Variants in CALD1 observed in about 807,000 individuals in gnomAD.
The protein encoded by CALD1 is caldesmon.
CALD1 carries 33 observed loss-of-function variants against 99.9 expected under a neutral mutation model. That is an observed-to-expected ratio of 0.33 (90% CI 0.25 to 0.44). The LOEUF (loss-of-function observed/expected upper bound fraction) is 0.44. Ranked by LOEUF, CALD1 falls within the 20% of genes least tolerant of loss-of-function variation. The probability of loss-of-function intolerance (pLI) is 1.00; values close to 1 mark genes in which losing one functional copy is unlikely to be tolerated. For synonymous variants in CALD1, 310 were observed against 325.0 expected (o/e 0.95, Z 0.50); for missense variants, 861 against 962.1 (o/e 0.89, Z 1.39).
chr7:134,934,429 C>T (rs1009886445), intron 5 of CALD1, among the ~76,000 whole-genome samples: 1 of 152,162 alleles, frequency 6.6e-6, no homozygotes, highest in East Asian at 1.9e-4. Flanking sequence ...TGCATCTAAA[C>T]TCGTTCTTTT....
At chr7:134,772,631 G>A (rs1333567688) in intron 1 of CALD1, among the ~76,000 whole-genome samples, 2 of 151,942 alleles carry the variant, frequency 1.3e-5, no homozygotes, top group South Asian at 2.1e-4. Context: ...TTACGATTGT[G>A]GTAAATTTTT....
At chr7:134,930,213 TAATAGGTTCAA>T (rs1393950252) in intron 4 of CALD1, among the ~76,000 whole-genome samples, 2 of 152,170 alleles carry the variant, frequency 1.3e-5, no homozygotes, top group African/African-American at 4.8e-5. Context: ...TGAGAATGCC[TAATAGGTTCAA>T]CTTCTTCAAA....
chr7:134,877,800 A>G (rs1801418458), intron 3 of CALD1, among the ~76,000 whole-genome samples: 1 of 152,192 alleles, frequency 6.6e-6, no homozygotes, highest in African/African-American at 2.4e-5. Context: ...ATCAACCAGA[A>G]GCTTCTCAAT....
intron 3 of CALD1, among the ~76,000 whole-genome samples, chr7:134,923,637 C>A (rs1345453971): frequency 1.3e-5 from 2 of 152,110 alleles, no homozygotes. Flanking sequence ...TTAAATCTGG[C>A]GTGTGGAAAA....
chr7:134,844,666 C>A (rs1407070033), intron 2 of CALD1, among the ~76,000 whole-genome samples: 2 of 152,182 alleles, frequency 1.3e-5, no homozygotes, highest in African/African-American at 4.8e-5. Context: ...GACTGGGTGG[C>A]TTAAACAACA....
Position 134,968,396 on chromosome 7 carries a change from A to G in CALD1, c.*51A>G. Reference sequence around the variant, plus strand: ...CAAGACGCAGGACGAGCTCAGTTGTAGAGGGCTAATTCGCTCTGTTTTGTA... The same window carrying G: ...CAAGACGCAGGACGAGCTCAGTTGTGGAGGGCTAATTCGCTCTGTTTTGTA... On this transcript the variant is annotated 3_prime_UTR_variant, in exon 15 of 15. Coordinates refer to ENST00000361675, the MANE Select transcript of CALD1 (RefSeq NM_033138.4). The G allele has an allele frequency of 7.7e-6, 12 of 1,563,326 alleles. No homozygotes were observed. Among genetic ancestry groups the G allele is most frequent in the Non-Finnish European group, 1.1e-5 (12 of 1,133,828 alleles).
Position 134,947,496 on chromosome 7 carries a change from C to T in CALD1, c.1533-12C>T. On this transcript the variant is annotated splice_polypyrimidine_tract_variant and intron_variant, in intron 7 of 14. Transcript: ENST00000361675. ...AGCATGTAAACCCCTTTCCATTGCCCCCCAACCACAGCCGCCCTGGAGGGA... is the reference window on the plus strand; with the variant it reads ...AGCATGTAAACCCCTTTCCATTGCCTCCCAACCACAGCCGCCCTGGAGGGA... The T allele has an allele frequency of 6.4e-7, 1 of 1,565,470 alleles. No homozygotes were observed. The highest frequency in any genetic ancestry group is 2.0e-4 in the Middle Eastern group (1 of 4,972).
chr7:134,870,632 G>A (rs192494774), intron 3 of CALD1, among the ~76,000 whole-genome samples: 20 of 152,080 alleles, frequency 1.3e-4, no homozygotes, highest in African/African-American at 4.6e-4. Context: ...ATTTCTGTCT[G>A]TATTACTTCT....
intron 1 of CALD1, among the ~76,000 whole-genome samples, chr7:134,830,062 T>C (rs780792947): frequency 9.2e-5 from 14 of 151,756 alleles, no homozygotes; most frequent in Non-Finnish European, 1.8e-4. Flanking sequence ...TTCAATTCTG[T>C]CCTGTTTGCT....
At chr7:134,875,849 T>C (rs545622973) in intron 3 of CALD1, among the ~76,000 whole-genome samples, 4 of 152,372 alleles carry the variant, frequency 2.6e-5, no homozygotes, top group Admixed American at 2.0e-4. Flanking sequence ...ATCTCCTGTG[T>C]TATTCCCATT....
intron 1 of CALD1, among the ~76,000 whole-genome samples, chr7:134,767,578 G>A (rs778843552): frequency 2.0e-5 from 3 of 152,254 alleles, no homozygotes; most frequent in Non-Finnish European, 4.4e-5. Flanking sequence ...TGAGTGAAGT[G>A]TGTGTTTTCT....
At chr7:134,738,694 G>A in the CALD1 span, among the ~76,000 whole-genome samples, 7 of 152,282 alleles carry the variant, frequency 4.6e-5, no homozygotes, top group African/African-American at 1.4e-4. Context: ...ATCGCGGCAT[G>A]TCAAGATAAT....
the CALD1 span, among the ~76,000 whole-genome samples, chr7:134,728,845 C>CTTTTTTTTTTTTTTTTTTTTTTTTT: frequency 8.0e-6 from 1 of 124,226 alleles, no homozygotes. Context: ...TATACCTTTT[C>CTTTTTTTTTTTTTTTTTTTTTTTTT]TTTTTTTTTT....
intron 1 of CALD1, among the ~76,000 whole-genome samples, chr7:134,800,236 CAAAA>C (rs1214602519): frequency 6.6e-6 from 1 of 151,966 alleles, no homozygotes; most frequent in African/African-American, 2.4e-5. Context: ...TACAATGAAA[CAAAA>C]AGAAAAACTT....
chr7:134,932,960 C>T, intron 4 of CALD1, 28 bp from the exon 5 acceptor site: 1 of 1,500,376 alleles, frequency 6.7e-7, no homozygotes, highest in Non-Finnish European at 9.1e-7. Context: ...AGCAAGCTGT[C>T]TTTGGTGTTG....
At chr7:134,732,991 C>T in the CALD1 span, among the ~76,000 whole-genome samples, 47,164 of 152,122 alleles carry the variant, frequency 0.31, 8,081 homozygotes, top group East Asian at 0.6. Context: ...GGAACTCACA[C>T]GACACTGATC....
At chr7:134,810,311 C>A (rs928863691) in intron 1 of CALD1, among the ~76,000 whole-genome samples, 2 of 152,210 alleles carry the variant, frequency 1.3e-5, no homozygotes, top group Non-Finnish European at 2.9e-5. Context: ...GTGTTTCCTA[C>A]ATTTTTCCAG....
intron 1 of CALD1, among the ~76,000 whole-genome samples, chr7:134,766,167 T>G (rs1796825104): frequency 7.3e-6 from 1 of 137,718 alleles, no homozygotes; most frequent in South Asian, 2.4e-4. Context: ...TTTTTTTTTT[T>G]TTGAGAGGGA....
Position 134,896,693 on chromosome 7 carries a change from C to T in CALD1, c.71+28889C>T, listed in dbSNP as rs150084060. Among the ~76,000 whole-genome samples the T allele has an allele frequency of 2.2e-3, 338 of 152,340 alleles. 4 individuals carry two copies. Among genetic ancestry groups the T allele is most frequent in the African/African-American group, 7.7e-3 (320 of 41,578 alleles). On this transcript the variant is annotated intron_variant, in intron 3 of 14. Coordinates refer to ENST00000361675, the MANE Select transcript of CALD1 (RefSeq NM_033138.4). ...CTGTCTGCGTTTTTCCCTCTCCTTA[C>T]CTTTGATCTATTGATCCTTGAAATG...
Sources: gnomAD v4.1 joint callset for allele counts (sites outside exome capture counted in the v4.1 genomes callset) on GRCh38, gnomAD v4.1.1 for gene constraint, MANE v1.5 for transcripts, NCBI Gene and HGNC (gene_info 2026-07-23, HGNC 2026-07-21) for gene names.